Variants in NR6A1 observed in about 807,000 individuals in gnomAD.
NR6A1 encodes the protein nuclear receptor subfamily 6 group A member 1.
Under a neutral mutation model 59.1 loss-of-function variants are expected in NR6A1, and 7 were observed. The observed-to-expected ratio is 0.12, with a 90% CI of 0.07 to 0.22. The LOEUF is 0.22. NR6A1 is among the 10% of genes least tolerant of loss of function. NR6A1 has a pLI of 1.00. For synonymous variants in NR6A1, 243 were observed against 236.1 expected (o/e 1.03, Z -0.27); for missense variants, 468 against 611.6 (o/e 0.77, Z 2.48).
chr9:124,520,056 T>C lies in NR6A1; in HGVS notation c.*2649A>G, dbSNP rs1832768280. The C allele has an allele frequency of 1.3e-5, 2 of 151,914 alleles. No individual in the cohort carries two copies. The highest frequency in any genetic ancestry group is 2.1e-4 in the South Asian group (1 of 4,804). 9.4% of individuals were successfully genotyped at this position (151,914 alleles called of 1,614,324 possible). On this transcript the variant is annotated 3_prime_UTR_variant, in exon 10 of 10. Transcript: ENST00000487099. ...AAAAAGGCTACCTGTTAACCAAACATTATGGGGAAGAAAGCAAAAAACAAA... is the reference window on the plus strand; with the variant it reads ...AAAAAGGCTACCTGTTAACCAAACACTATGGGGAAGAAAGCAAAAAACAAA...
chr9:124,520,677 T>C lies in NR6A1; in HGVS notation c.*2028A>G, dbSNP rs1013329907. The C allele has an allele frequency of 3.3e-5, 5 of 152,230 alleles. No homozygotes were observed. Among genetic ancestry groups the C allele is most frequent in the African/African-American group, 9.6e-5 (4 of 41,458 alleles). The allele number at this position is 152,230 out of a possible 1,614,324, so 9.4% of individuals were successfully genotyped here. A position where few individuals can be genotyped will look rare whatever the true frequency, so the allele number is the denominator to read the frequency against. ...TGTGATATGTGTCTCCTTCCCGATC[T>C]GGAGGAAAGCAGCTCAGAGTCTGAC... On this transcript the variant is annotated 3_prime_UTR_variant, in exon 10 of 10. Transcript: ENST00000487099.
At chr9:124,534,489 TA>T (rs1243132371) in intron 7 of NR6A1, among the ~76,000 whole-genome samples, 1 of 151,958 alleles carries the variant, frequency 6.6e-6, no homozygotes, top group Admixed American at 6.6e-5. Flanking sequence ...AGTAAATGAG[TA>T]AAAAGTGTGC....
chr9:124,696,450 A>G (rs968252975), intron 2 of NR6A1, among the ~76,000 whole-genome samples: 4 of 151,986 alleles, frequency 2.6e-5, no homozygotes, highest in African/African-American at 9.7e-5. Context: ...CAGATATTTC[A>G]AGATACTTAA....
intron 2 of NR6A1, among the ~76,000 whole-genome samples, chr9:124,718,056 A>T (rs1024876684): frequency 6.6e-6 from 1 of 152,264 alleles, no homozygotes; most frequent in Non-Finnish European, 1.5e-5. Flanking sequence ...TTTTTAAAAC[A>T]ACATTTAACA....
chr9:124,705,565 T>G (rs577218563), intron 2 of NR6A1, among the ~76,000 whole-genome samples: 1 of 152,190 alleles, frequency 6.6e-6, no homozygotes, highest in Admixed American at 6.5e-5. Context: ...CTAAGGTATG[T>G]CCATTATTGA....
intron 2 of NR6A1, among the ~76,000 whole-genome samples, chr9:124,582,390 GA>G (rs1834799284): frequency 6.6e-6 from 1 of 152,092 alleles, no homozygotes; most frequent in African/African-American, 2.4e-5. Flanking sequence ...ACATAGAGGG[GA>G]ACAACACACA....
chr9:124,715,374 A>T (rs953789494), intron 2 of NR6A1, among the ~76,000 whole-genome samples: 3 of 151,704 alleles, frequency 2.0e-5, no homozygotes, highest in East Asian at 1.9e-4. Context: ...ATATATATAT[A>T]TTTTTAGAAA....
chr9:124,634,007 A>T (rs1836524028), intron 2 of NR6A1, among the ~76,000 whole-genome samples: 1 of 152,254 alleles, frequency 6.6e-6, no homozygotes, highest in African/African-American at 2.4e-5. Context: ...ATATGATGAT[A>T]GCCTCTTGAC....
At position 124,550,375 on chromosome 9, in the gene NR6A1, ATTT is replaced by A. The variant is rs58594452; in HGVS notation, c.385+3950_385+3952del. Reference sequence around the variant, plus strand: ...TATTACTGTGATGTTCTAATGGTGAATTTTTTTTTTTTTTTTTTTTTTTGGTTT... The same window carrying A: ...TATTACTGTGATGTTCTAATGGTGAATTTTTTTTTTTTTTTTTTTTGGTTT... On this transcript the variant is annotated intron_variant, in intron 3 of 9. Transcript: ENST00000487099. Among the ~76,000 whole-genome samples the A allele has an allele frequency of 4.3e-5, 5 of 117,620 alleles. No individual in the cohort carries two copies. In the East Asian group the frequency reaches 7.4e-4, roughly 17 times the overall value. The allele number at this position is 117,620 out of a possible 152,430, so 77.2% of individuals were successfully genotyped here.
At chr9:124,744,546 G>A (rs1337925867) in intron 1 of NR6A1, among the ~76,000 whole-genome samples, 2 of 152,122 alleles carry the variant, frequency 1.3e-5, no homozygotes, top group East Asian at 1.9e-4. Flanking sequence ...TGCAACAGCC[G>A]GATGGATGGG....
intron 2 of NR6A1, among the ~76,000 whole-genome samples, chr9:124,616,024 T>C (rs952329063): frequency 2.0e-5 from 3 of 151,952 alleles, no homozygotes; most frequent in Non-Finnish European, 4.4e-5. Flanking sequence ...CACGCCCAGC[T>C]CATTTCTGTT....
At chr9:124,661,632 T>A (rs78590726) in intron 2 of NR6A1, among the ~76,000 whole-genome samples, 1,708 of 152,330 alleles carry the variant, frequency 0.011, 29 homozygotes, top group African/African-American at 0.039. Context: ...CCAGATTTAA[T>A]GGTGCTGGTA....
intron 1 of NR6A1, among the ~76,000 whole-genome samples, chr9:124,734,891 A>G (rs991582257): frequency 6.6e-6 from 1 of 151,186 alleles, no homozygotes; most frequent in Non-Finnish European, 1.5e-5. Flanking sequence ...CGCCCAGGCT[A>G]GAGTGCAGTG....
intron 2 of NR6A1, among the ~76,000 whole-genome samples, chr9:124,654,371 A>T (rs1837188193): frequency 6.6e-6 from 1 of 152,172 alleles, no homozygotes; most frequent in African/African-American, 2.4e-5. Flanking sequence ...ATACACTTGG[A>T]AAAAACCCAA....
intron 2 of NR6A1, among the ~76,000 whole-genome samples, chr9:124,727,906 A>C (rs1278504985): frequency 6.6e-6 from 1 of 151,974 alleles, no homozygotes; most frequent in African/African-American, 2.4e-5. Flanking sequence ...GATGGTCTCG[A>C]TCTCCTGACC....
chr9:124,672,847 T>C (rs1837836062), intron 2 of NR6A1, among the ~76,000 whole-genome samples: 1 of 152,032 alleles, frequency 6.6e-6, no homozygotes, highest in Non-Finnish European at 1.5e-5. Flanking sequence ...TGATAGATAT[T>C]TGAGGGGCAG....
At chr9:124,593,167 A>G (rs1029602929) in intron 2 of NR6A1, among the ~76,000 whole-genome samples, 4 of 152,220 alleles carry the variant, frequency 2.6e-5, no homozygotes, top group African/African-American at 4.8e-5. Flanking sequence ...TAGTGCATTT[A>G]AAAATCAAAT....
At chr9:124,624,562 G>A (rs573573994) in intron 2 of NR6A1, among the ~76,000 whole-genome samples, 30 of 152,258 alleles carry the variant, frequency 2.0e-4, no homozygotes, top group African/African-American at 7.2e-4. Context: ...CAGAACGCTG[G>A]GACGGGAGTT....
intron 2 of NR6A1, among the ~76,000 whole-genome samples, chr9:124,647,846 A>T (rs1321809372): frequency 6.6e-6 from 1 of 152,174 alleles, no homozygotes; most frequent in Non-Finnish European, 1.5e-5. Context: ...AGAAAAGCCC[A>T]GGACATGATG....
Sources: allele counts gnomAD v4.1 joint callset (sites outside exome capture counted in the v4.1 genomes callset), GRCh38; gene constraint gnomAD v4.1.1; transcripts MANE v1.5; gene names NCBI Gene and HGNC (gene_info 2026-07-23, HGNC 2026-07-21).